The following MIPOL1 variants were observed in gnomAD, a reference collection of about 807,000 sequenced individuals.
MIPOL1 encodes the protein mirror-image polydactyly gene 1 protein.
In MIPOL1, 57 loss-of-function variants were observed where a neutral mutation model predicts 60.9. The ratio of observed to expected loss-of-function variants is 0.94; its 90% CI spans 0.76 to 1.17. MIPOL1 has a LOEUF of 1.17. MIPOL1 is among the 50% of genes most tolerant of loss of function. The probability of loss-of-function intolerance (pLI) is 0.00; values close to 1 mark genes in which losing one functional copy is unlikely to be tolerated. For synonymous variants in MIPOL1, 179 were observed against 168.8 expected (o/e 1.06, Z -0.47); for missense variants, 551 against 511.6 (o/e 1.08, Z -0.74).
At chr14:37,256,985 G>C (rs1397611079) in intron 3 of MIPOL1, among the ~76,000 whole-genome samples, 1 of 151,918 alleles carries the variant, frequency 6.6e-6, no homozygotes, top group African/African-American at 2.4e-5. Context: ...TGATGCTGTA[G>C]TGTAACTAAC....
intron 11 of MIPOL1, among the ~76,000 whole-genome samples, chr14:37,456,081 TAGA>T (rs552948035): frequency 4.0e-5 from 6 of 151,652 alleles, no homozygotes; most frequent in African/African-American, 1.4e-4. Context: ...CAATATCACG[TAGA>T]AGAAGGTTTC....
At chr14:37,388,061 A>G (rs1477232112) in intron 10 of MIPOL1, among the ~76,000 whole-genome samples, 1 of 151,966 alleles carries the variant, frequency 6.6e-6, no homozygotes. Context: ...CGAACCAGAA[A>G]AAAATGTTAT....
At chr14:37,388,483 T>G (rs1013250262) in intron 10 of MIPOL1, among the ~76,000 whole-genome samples, 2 of 150,582 alleles carry the variant, frequency 1.3e-5, no homozygotes, top group African/African-American at 2.4e-5. Flanking sequence ...GGGTTTTTTT[T>G]GTGTTTTTTT....
chr14:37,368,392 A>G (rs1179946170), intron 9 of MIPOL1, among the ~76,000 whole-genome samples: 1 of 152,042 alleles, frequency 6.6e-6, no homozygotes, highest in Non-Finnish European at 1.5e-5. Context: ...CGTACTGCCT[A>G]ATATGATTTG....
chr14:37,345,208 A>G (rs2090862368), intron 9 of MIPOL1, among the ~76,000 whole-genome samples: 1 of 152,072 alleles, frequency 6.6e-6, no homozygotes, highest in South Asian at 2.1e-4. Flanking sequence ...GATGCAAGCA[A>G]TACTTCCATC....
chr14:37,241,983 A>G (rs1020025674), intron 1 of MIPOL1, among the ~76,000 whole-genome samples: 5 of 135,764 alleles, frequency 3.7e-5, no homozygotes, highest in African/African-American at 1.2e-4. Flanking sequence ...CAGTCAATCA[A>G]TCATAACAAA....
chr14:37,327,575 G>C (rs560234489), intron 9 of MIPOL1, among the ~76,000 whole-genome samples: 4 of 152,128 alleles, frequency 2.6e-5, no homozygotes, highest in African/African-American at 7.2e-5. Flanking sequence ...GTGAGCCATC[G>C]TGCCTGGCCA....
chr14:37,319,590 G>A (rs1299085318), intron 9 of MIPOL1, among the ~76,000 whole-genome samples: 6 of 152,150 alleles, frequency 3.9e-5, no homozygotes. Context: ...GAGGCAAGAG[G>A]TGATGAGGTT....
chr14:37,509,332 A>G (rs1297689617), intron 12 of MIPOL1, among the ~76,000 whole-genome samples: 1 of 151,786 alleles, frequency 6.6e-6, no homozygotes, highest in Non-Finnish European at 1.5e-5. Context: ...ATGTGTATAT[A>G]TATCTATATA....
chr14:37,387,044 A>T (rs1161462160), intron 10 of MIPOL1, among the ~76,000 whole-genome samples: 3 of 151,916 alleles, frequency 2.0e-5, no homozygotes, highest in Non-Finnish European at 4.4e-5. Flanking sequence ...TAAAAATAAT[A>T]TTCAATAATA....
chr14:37,505,059 G>A (rs2095262522), intron 12 of MIPOL1: 1 of 152,174 alleles, frequency 6.6e-6, no homozygotes, highest in Non-Finnish European at 1.5e-5. Flanking sequence ...CCAGGAGGAA[G>A]TTGATCCTCT....
rs1300635460 is a variant in MIPOL1 at position 37,316,117 on chromosome 14, C to T, written c.828+7598C>T. On this transcript the variant is annotated intron_variant, in intron 9 of 12. Coordinates refer to ENST00000684589, the MANE Select transcript of MIPOL1 (RefSeq NM_001388067.1). ...TATAAGCTCACCGCAACCTCTCCCT[C>T]CTGGGTTCAAGCAATTCTCTTGTCT... Among the ~76,000 whole-genome samples the T allele has an allele frequency of 2.6e-5, 4 of 151,602 alleles. 1 individual carries two copies. The South Asian group carries it at 8.3e-4, about 32-fold the overall frequency.
rs766410763 is a variant in MIPOL1 at position 37,268,734 on chromosome 14, G to A, written c.328G>A (p.Glu110Lys). ...PCQVTSDSDK[E>K]KTIAFLLKEL... The stretch of plus-strand genomic sequence containing the variant: ...TCAAGTTACTTCAGACTCAGATAAA[G>A]AGAAGACAATAGCATTTCTTCTAAA... The change falls in exon 5 of 13, where the codon GAG (glutamate) becomes AAG (lysine). Residue 110 changes from glutamate to lysine, a missense_variant. Transcript: ENST00000684589. 1 of 1,596,658 alleles carries A rather than the reference G, an allele frequency of 6.3e-7. No individual in the cohort carries two copies. Among genetic ancestry groups the A allele is most frequent in the Admixed American group, 1.7e-5 (1 of 58,230 alleles).
chr14:37,395,821 A>G (rs372360906), intron 10 of MIPOL1, among the ~76,000 whole-genome samples: 3 of 151,974 alleles, frequency 2.0e-5, no homozygotes, highest in African/African-American at 7.2e-5. Context: ...AGAATGGGCT[A>G]TAAGAATAGC....
At chr14:37,383,083 GTTAACT>G (rs1831847674) in intron 10 of MIPOL1, among the ~76,000 whole-genome samples, 1 of 151,572 alleles carries the variant, frequency 6.6e-6, no homozygotes, top group Non-Finnish European at 1.5e-5. Context: ...TTTAGAAAAT[GTTAACT>G]TTGAATCGTG....
intron 12 of MIPOL1, among the ~76,000 whole-genome samples, chr14:37,531,173 A>C (rs1036090166): frequency 6.6e-6 from 1 of 152,100 alleles, no homozygotes; most frequent in Non-Finnish European, 1.5e-5. Flanking sequence ...AGGATGGACA[A>C]TGAATAGTTG....
intron 1 of MIPOL1, among the ~76,000 whole-genome samples, chr14:37,236,501 A>G (rs1246549851): frequency 6.6e-6 from 1 of 151,624 alleles, no homozygotes; most frequent in Admixed American, 6.6e-5. Context: ...CATTGGTGCA[A>G]TCTCGGCTCA....
intron 1 of MIPOL1, among the ~76,000 whole-genome samples, chr14:37,233,139 G>GA (rs1970893097): frequency 6.6e-6 from 1 of 152,128 alleles, no homozygotes; most frequent in African/African-American, 2.4e-5. Context: ...AAATGCTACT[G>GA]AAAACACCAT....
chr14:37,459,807 G>A (rs2094519106), intron 11 of MIPOL1, among the ~76,000 whole-genome samples: 1 of 152,152 alleles, frequency 6.6e-6, no homozygotes, highest in Non-Finnish European at 1.5e-5. Flanking sequence ...GGGCGTGGTG[G>A]CTCATGCCTA....
Sources: allele counts gnomAD v4.1 joint callset (sites outside exome capture counted in the v4.1 genomes callset), GRCh38; gene constraint gnomAD v4.1.1; transcripts MANE v1.5; gene names NCBI Gene and HGNC (gene_info 2026-07-23, HGNC 2026-07-21).